The following HS2ST1 variants were observed in gnomAD, a reference collection of about 807,000 sequenced individuals.
HS2ST1 encodes the protein 2-O-sulfotransferase.
Under a neutral mutation model 42.9 loss-of-function variants are expected in HS2ST1, and 18 were observed. The observed-to-expected ratio is 0.42, with a 90% CI of 0.29 to 0.62. HS2ST1 has a LOEUF of 0.62. HS2ST1 is among the 20% of genes least tolerant of loss of function. HS2ST1 has a pLI of 0.21. For synonymous variants in HS2ST1, 146 were observed against 152.9 expected (o/e 0.95, Z 0.33); for missense variants, 334 against 433.8 (o/e 0.77, Z 2.04).
At chr1:87,022,267 A>G (rs1649971769) in intron 1 of HS2ST1, among the ~76,000 whole-genome samples, 2 of 152,236 alleles carry the variant, frequency 1.3e-5, no homozygotes, top group African/African-American at 4.8e-5. Flanking sequence ...CTTACCTGTC[A>G]TATTAGTAAG....
At chr1:87,054,506 T>C (rs1380142618) in intron 1 of HS2ST1, among the ~76,000 whole-genome samples, 1 of 152,236 alleles carries the variant, frequency 6.6e-6, no homozygotes, top group Admixed American at 6.5e-5. Context: ...AGTTCTCTTA[T>C]GTCCTCAGTA....
At chr1:86,932,135 T>G (rs1326650615) in intron 1 of HS2ST1, 1 of 152,168 alleles carries the variant, frequency 6.6e-6, no homozygotes, top group Non-Finnish European at 1.5e-5. Context: ...CAAATATGAT[T>G]TAAAATAAAT....
Position 87,058,416 on chromosome 1 carries a change from T to C in HS2ST1, c.125-14518T>C, listed in dbSNP as rs569547074. Among the ~76,000 whole-genome samples, 8 of 151,904 alleles carry C rather than the reference T, an allele frequency of 5.3e-5. 1 individual carries two copies. The highest frequency in any genetic ancestry group is 1.7e-4 in the African/African-American group (7 of 41,166). Reference sequence around the variant, plus strand: ...TTCAAGAGACTGTTAGTCATTTTTATGGATTTTCTCTTAGCTAAGTGCACT... The same window carrying C: ...TTCAAGAGACTGTTAGTCATTTTTACGGATTTTCTCTTAGCTAAGTGCACT... On this transcript the variant is annotated intron_variant, in intron 1 of 6. Coordinates refer to ENST00000370550, the MANE Select transcript of HS2ST1 (RefSeq NM_012262.4).
At chr1:86,933,387 A>G (rs1164443436) in intron 1 of HS2ST1, among the ~76,000 whole-genome samples, 1 of 152,208 alleles carries the variant, frequency 6.6e-6, no homozygotes, top group Non-Finnish European at 1.5e-5. Flanking sequence ...GGAAGTTTCT[A>G]TCAACGTATC....
At chr1:87,045,352 A>G (rs556601144) in intron 1 of HS2ST1, 2 of 1,325,876 alleles carry the variant, frequency 1.5e-6, no homozygotes, top group African/African-American at 1.4e-5. Flanking sequence ...TGTGATTATT[A>G]GCTTCTGTCT....
At chr1:87,034,365 G>A (rs776886990) in intron 1 of HS2ST1, among the ~76,000 whole-genome samples, 2 of 152,154 alleles carry the variant, frequency 1.3e-5, no homozygotes, top group Non-Finnish European at 2.9e-5. Flanking sequence ...GTGATCTGTG[G>A]TCTCCAGAGT....
intron 1 of HS2ST1, chr1:86,993,167 A>G (rs1341479243): frequency 8.2e-6 from 13 of 1,581,870 alleles, no homozygotes; most frequent in Admixed American, 7.2e-5. Context: ...ACCCTCATCA[A>G]CTGACTTTCA....
rs1292969466 is a variant in HS2ST1, at chr1:87,107,754, G to A, written c.*3058G>A. ...AAATGGCAACTGTTGATAAATTATTGTGATTGTTTTAAAATCTAATGGGAA... is the reference window on the plus strand; with the variant it reads ...AAATGGCAACTGTTGATAAATTATTATGATTGTTTTAAAATCTAATGGGAA... On this transcript the variant is annotated 3_prime_UTR_variant, in exon 7 of 7. Transcript: ENST00000370550. 6.6e-6 allele frequency: 1 copy of A among 151,698 alleles called. No homozygotes were observed. Among genetic ancestry groups the A allele is most frequent in the Non-Finnish European group, 1.5e-5 (1 of 67,844 alleles). The allele number at this position is 151,698 out of a possible 1,614,324, so 9.4% of individuals were successfully genotyped here.
rs1326329271 is a variant in HS2ST1 at position 86,914,760 on chromosome 1, G to C, written c.-277G>C. On this transcript the variant is annotated 5_prime_UTR_variant, in exon 1 of 7. Coordinates refer to ENST00000370550, the MANE Select transcript of HS2ST1 (RefSeq NM_012262.4). The stretch of plus-strand genomic sequence containing the variant: ...GGACTGAGGCAGTAGAGGGAGGCGA[G>C]AGCCCGGCAGCCGCTTCGCGCTGTT... The C allele has an allele frequency of 4.1e-6, 2 of 482,320 alleles. No individual in the cohort carries two copies. The highest frequency in any genetic ancestry group is 7.4e-6 in the Non-Finnish European group (2 of 269,714). 29.9% of individuals were successfully genotyped at this position (482,320 alleles called of 1,614,324 possible).
chr1:86,920,546 C>T (rs1660270690), intron 1 of HS2ST1, among the ~76,000 whole-genome samples: 3 of 152,280 alleles, frequency 2.0e-5, no homozygotes, highest in East Asian at 1.9e-4. Context: ...ATGGAGTAGT[C>T]ACCTGAAATA....
chr1:87,034,906 G>A (rs1038345189), intron 1 of HS2ST1, among the ~76,000 whole-genome samples: 1 of 152,150 alleles, frequency 6.6e-6, no homozygotes, highest in Non-Finnish European at 1.5e-5. Context: ...GAGATGGGGC[G>A]ATTATCCTGG....
intron 1 of HS2ST1, among the ~76,000 whole-genome samples, chr1:87,015,639 C>T (rs143649993): frequency 1.2e-3 from 187 of 152,036 alleles, no homozygotes; most frequent in Non-Finnish European, 2.1e-3. Context: ...CCACTGTGCC[C>T]AGCAAGCCCT....
intron 1 of HS2ST1, among the ~76,000 whole-genome samples, chr1:87,052,128 C>T (rs1234910078): frequency 6.6e-6 from 1 of 152,264 alleles, no homozygotes; most frequent in Admixed American, 6.5e-5. Flanking sequence ...TAGCGCACAC[C>T]TGTAGTCCCA....
chr1:87,047,524 A>C (rs1650715009), intron 1 of HS2ST1, among the ~76,000 whole-genome samples: 1 of 152,122 alleles, frequency 6.6e-6, no homozygotes, highest in South Asian at 2.1e-4. Flanking sequence ...TTCTTCTATA[A>C]GTTTTATAAT....
At chr1:87,083,692 C>T (rs527328925) in intron 2 of HS2ST1, among the ~76,000 whole-genome samples, 1 of 152,186 alleles carries the variant, frequency 6.6e-6, no homozygotes, top group African/African-American at 2.4e-5. Context: ...CTGCTCTTAA[C>T]TCTTAAATAT....
At chr1:87,029,005 A>G (rs1427214408) in intron 1 of HS2ST1, among the ~76,000 whole-genome samples, 1 of 152,180 alleles carries the variant, frequency 6.6e-6, no homozygotes. Flanking sequence ...ATGAGGAACA[A>G]ACTTTCCCAA....
In HS2ST1 at chr1:87,048,559, AGTTCCCTT is replaced by A. The variant is rs1486280227; in HGVS notation, c.125-24374_125-24367del. Among the ~76,000 whole-genome samples, 148 of 152,146 alleles carry A rather than the reference AGTTCCCTT, an allele frequency of 9.7e-4. 1 individual carries two copies. The highest frequency in any genetic ancestry group is 3.4e-3 in the African/African-American group (143 of 41,484). The stretch of plus-strand genomic sequence containing the variant: ...AGATATCCTTTTATTAGTTTGAGGA[AGTTCCCTT>A]CTATTCCCAGTTTGCCGAGATTTTT... On this transcript the variant is annotated intron_variant, in intron 1 of 6. Transcript: ENST00000370550.
intron 1 of HS2ST1, among the ~76,000 whole-genome samples, chr1:87,058,999 C>T (rs528155833): frequency 6.6e-6 from 1 of 151,900 alleles, no homozygotes; most frequent in South Asian, 2.1e-4. Flanking sequence ...GCAGAGCTTG[C>T]AGTGAGCCGA....
intron 1 of HS2ST1, among the ~76,000 whole-genome samples, chr1:86,964,613 CAGAGGGAGACCTTGGAAAG>C (rs2102202030): frequency 6.6e-6 from 1 of 152,310 alleles, no homozygotes; most frequent in East Asian, 1.9e-4. Flanking sequence ...GGCTCGGCAT[CAGAGGGAGACCTTGGAAAG>C]AGAGGGAGAC....
Sources: gnomAD v4.1 joint callset for allele counts (sites outside exome capture counted in the v4.1 genomes callset) on GRCh38, gnomAD v4.1.1 for gene constraint, MANE v1.5 for transcripts, NCBI Gene and HGNC (gene_info 2026-07-23, HGNC 2026-07-21) for gene names.